Variants in ADRB1 observed in about 807,000 individuals in gnomAD.
ADRB1 encodes the protein beta-1 adrenergic receptor.
For missense variants in ADRB1, 635 were observed against 709.1 expected, an observed-to-expected ratio of 0.90 and a Z score of 1.19; for synonymous variants, 365 against 347.2, an observed-to-expected ratio of 1.05 and a Z score of -0.57.
In ADRB1 at chr10:114,044,388, A is replaced by G; in HGVS notation, c.256A>G (p.Thr86Ala). The change falls in exon 1 of 1, where the codon ACG becomes GCG. Residue 86 changes from threonine (T) to alanine (A), a missense_variant. Thr to Ala is a moderately conservative substitution (Grantham distance 58). Transcript: ENST00000369295. The surrounding 1 kb of genome is among the most constrained non-coding windows in gnomAD (Gnocchi z 7.8). ...NVLVIVAIAK[T>A]PRLQTLTNLF... ...GCTGGTGATCGTGGCCATCGCCAAG[A>G]CGCCGCGGCTGCAGACGCTCACCAA... is the stretch of plus-strand genomic sequence containing the variant. The G allele has an allele frequency of 1.2e-6, 2 of 1,609,486 alleles. No homozygotes were observed. The highest frequency in any genetic ancestry group is 1.7e-6 in the Non-Finnish European group (2 of 1,179,498).
Position 114,045,463 on chromosome 10 carries a change from T to G in ADRB1, c.1331T>G (p.Leu444Arg). 7.9e-7 allele frequency: 1 copy of G among 1,258,386 alleles called. No homozygotes were observed. The highest frequency in any genetic ancestry group is 3.4e-5 in the South Asian group (1 of 29,420). 78.0% of individuals were successfully genotyped at this position (1,258,386 alleles called of 1,614,324 possible). The change falls in exon 1 of 1, where the codon CTG becomes CGG. Residue 444 changes from leucine to arginine, a missense_variant. Coordinates refer to ENST00000369295, the MANE Select transcript of ADRB1 (RefSeq NM_000684.3). ...GTCGGGGCCACGCCGCCCGCGCGCC[T>G]GCTGGAGCCCTGGGCCGGCTGCAAC... ...DVVGATPPAR[L>R]LEPWAGCNGG... is the part of the protein sequence containing the mutation.
At position 114,045,011 on chromosome 10, in the gene ADRB1, C is replaced by G; in HGVS notation, c.879C>G (p.Ala293=). ...PAPPPGPPRP[A]AAAATAPLAN... ...CGCCGCCCGGACCCCCGCGCCCCGC[C>G]GCCGCCGCCGCCACCGCCCCGCTGG... Residue 293 remains alanine, a synonymous_variant, in exon 1 of 1, where the codon GCC becomes GCG. Transcript: ENST00000369295. 2.7e-6 allele frequency: 3 copies of G among 1,094,942 alleles called. No homozygotes were observed. The highest frequency in any genetic ancestry group is 3.3e-6 in the Non-Finnish European group (3 of 900,608). The allele number at this position is 1,094,942 out of a possible 1,614,324, so 67.8% of individuals were successfully genotyped here.
In ADRB1 at chr10:114,043,921, A is replaced by AGCGGCGGCGGCGGCG. The variant is rs1014758367; in HGVS notation, c.-203_-189dup. 3 of 233,592 alleles carry AGCGGCGGCGGCGGCG rather than the reference A, an allele frequency of 1.3e-5. No individual in the cohort carries two copies. Among genetic ancestry groups the AGCGGCGGCGGCGGCG allele is most frequent in the Admixed American group, 5.8e-5 (1 of 17,298 alleles). 14.5% of individuals were successfully genotyped at this position (233,592 alleles called of 1,614,324 possible). A position where few individuals can be genotyped will look rare whatever the true frequency, so the allele number is the denominator to read the frequency against. ...CAGCAGCGGCAGCGGCTCCAGCAGC[A>AGCGGCGGCGGCGGCG]GCGGCGGCGGCGGCGGCGGCGGCAG... On this transcript the variant is annotated 5_prime_UTR_variant, in exon 1 of 1. Transcript: ENST00000369295.
At position 114,044,265 on chromosome 10, in the gene ADRB1, C is replaced by T; in HGVS notation, c.133C>T (p.Pro45Ser). ...GTCGCCGCCCGCCTCGTTGCTGCCT[C>T]CCGCCAGCGAAAGCCCCGAGCCGCT... ...PASPPASLLPPASESPEPLSQ... is the reference protein window; with the variant it reads ...PASPPASLLPSASESPEPLSQ... The change falls in exon 1 of 1, where the codon CCC becomes TCC. Residue 45 changes from proline to serine, a missense_variant. By Grantham distance (74) the Pro-to-Ser change is moderately conservative. Transcript: ENST00000369295. The surrounding 1 kb of genome is among the most constrained non-coding windows in gnomAD (Gnocchi z 7.8). 1 of 1,521,944 alleles carries T rather than the reference C, an allele frequency of 6.6e-7. No homozygotes were observed. Among genetic ancestry groups the T allele is most frequent in the South Asian group, 1.2e-5 (1 of 82,404 alleles). The allele number at this position is 1,521,944 out of a possible 1,614,324, so 94.3% of individuals were successfully genotyped here.
Position 114,045,708 on chromosome 10 carries a change from C to G in ADRB1, c.*142C>G. 1 of 856,540 alleles carries G rather than the reference C, an allele frequency of 1.2e-6. No homozygotes were observed. The highest frequency in any genetic ancestry group is 3.5e-5 in the East Asian group (1 of 28,866). 53.1% of individuals were successfully genotyped at this position (856,540 alleles called of 1,614,324 possible). On this transcript the variant is annotated 3_prime_UTR_variant, in exon 1 of 1. Coordinates refer to ENST00000369295, the MANE Select transcript of ADRB1 (RefSeq NM_000684.3). Reference sequence around the variant, plus strand: ...CGAGGCAAAGAGAAAAGCCACGGACCGTTGCACAAAAAGGAAAGTTTGGGA... The same window carrying G: ...CGAGGCAAAGAGAAAAGCCACGGACGGTTGCACAAAAAGGAAAGTTTGGGA...
chr10:114,045,521 G>T lies in ADRB1; in HGVS notation c.1389G>T (p.Leu463=). The change falls in exon 1 of 1, where the codon CTG becomes CTT. Residue 463 remains leucine, a synonymous_variant. Transcript: ENST00000369295. The stretch of plus-strand genomic sequence containing the variant: ...CGGCGGCGGACAGCGACTCGAGCCT[G>T]GACGAGCCGTGCCGCCCCGGCTTCG... ...GGAAADSDSS[L]DEPCRPGFAS... is the part of the protein sequence containing the mutation. 1 of 1,307,880 alleles carries T rather than the reference G, an allele frequency of 7.6e-7. No homozygotes were observed. The highest frequency in any genetic ancestry group is 2.5e-5 in the South Asian group (1 of 40,386). 81.0% of individuals were successfully genotyped at this position (1,307,880 alleles called of 1,614,324 possible).
chr10:114,045,453 C>T lies in ADRB1; in HGVS notation c.1321C>T (p.Pro441Ser). Reference sequence around the variant, plus strand: ...CGACGATGTCGTCGGGGCCACGCCGCCCGCGCGCCTGCTGGAGCCCTGGGC... The same window carrying T: ...CGACGATGTCGTCGGGGCCACGCCGTCCGCGCGCCTGCTGGAGCCCTGGGC... The part of the protein sequence containing the change: ...DDDDVVGATP[P>S]ARLLEPWAGC... Residue 441 changes from proline (P) to serine (S), a missense_variant, in exon 1 of 1, where the codon CCC (proline) becomes TCC (serine). Pro to Ser is a moderately conservative substitution (Grantham distance 74). Transcript: ENST00000369295. The T allele has an allele frequency of 8.0e-7, 1 of 1,252,910 alleles. No homozygotes were observed. The highest frequency in any genetic ancestry group is 1.0e-6 in the Non-Finnish European group (1 of 997,102). The allele number at this position is 1,252,910 out of a possible 1,614,324, so 77.6% of individuals were successfully genotyped here. A position where few individuals can be genotyped will look rare whatever the true frequency, so the allele number is the denominator to read the frequency against.
chr10:114,043,968 C>T lies in ADRB1; in HGVS notation c.-165C>T, dbSNP rs537853447. 622 of 418,276 alleles carry T rather than the reference C, an allele frequency of 1.5e-3. 5 individuals carry two copies. Among genetic ancestry groups the T allele is most frequent in the African/African-American group, 0.01 (475 of 47,012 alleles). 25.9% of individuals were successfully genotyped at this position (418,276 alleles called of 1,614,324 possible). ...GCAGCGGCAGCGACAGCGCTCGGCTCCTGCGGGAAAGGCGCCCGGCGCCCA... is the reference window on the plus strand; with the variant it reads ...GCAGCGGCAGCGACAGCGCTCGGCTTCTGCGGGAAAGGCGCCCGGCGCCCA... On this transcript the variant is annotated 5_prime_UTR_variant, in exon 1 of 1. Transcript: ENST00000369295.
Position 114,045,377 on chromosome 10 carries a change from G to T in ADRB1, c.1245G>T (p.Leu415=). Residue 415 remains leucine, a synonymous_variant, in exon 1 of 1, where the codon CTG becomes CTT. Transcript: ENST00000369295. ...ACCGGCCGCGCGCCTCGGGCTGTCT[G>T]GCCCGGCCCGGACCCCCGCCATCGC... ...HGDRPRASGC[L]ARPGPPPSPG... The T allele has an allele frequency of 7.8e-7, 1 of 1,276,342 alleles. No homozygotes were observed. Among genetic ancestry groups the T allele is most frequent in the Middle Eastern group, 2.2e-4 (1 of 4,528 alleles). 79.1% of individuals were successfully genotyped at this position (1,276,342 alleles called of 1,614,324 possible). A position where few individuals can be genotyped will look rare whatever the true frequency, so the allele number is the denominator to read the frequency against.
chr10:114,043,975 G>A lies in ADRB1; in HGVS notation c.-158G>A. 1 of 472,288 alleles carries A rather than the reference G, an allele frequency of 2.1e-6. No individual in the cohort carries two copies. The highest frequency in any genetic ancestry group is 3.1e-6 in the Non-Finnish European group (1 of 325,606). The allele number at this position is 472,288 out of a possible 1,614,324, so 29.3% of individuals were successfully genotyped here. ...CAGCGACAGCGCTCGGCTCCTGCGG[G>A]AAAGGCGCCCGGCGCCCATGCCTCC... On this transcript the variant is annotated 5_prime_UTR_variant, in exon 1 of 1. Coordinates refer to ENST00000369295, the MANE Select transcript of ADRB1 (RefSeq NM_000684.3).
Position 114,044,110 on chromosome 10 carries a change from G to A in ADRB1, c.-23G>A. The A allele has an allele frequency of 8.0e-7, 1 of 1,251,964 alleles. No individual in the cohort carries two copies. Among genetic ancestry groups the A allele is most frequent in the Non-Finnish European group, 1.0e-6 (1 of 1,003,158 alleles). 77.6% of individuals were successfully genotyped at this position (1,251,964 alleles called of 1,614,324 possible). On this transcript the variant is annotated 5_prime_UTR_variant, in exon 1 of 1. Coordinates refer to ENST00000369295, the MANE Select transcript of ADRB1 (RefSeq NM_000684.3). This position sits in a 1 kb window ranked among gnomAD's most constrained non-coding sequence, Gnocchi z 7.8. Reference sequence around the variant, plus strand: ...ACGGCCCAGCCCTGCCACACCCCCCGCCCCCGGCCTCCGCAGCTCGGCATG... The same window carrying A: ...ACGGCCCAGCCCTGCCACACCCCCCACCCCCGGCCTCCGCAGCTCGGCATG...
chr10:114,044,112 C>T lies in ADRB1; in HGVS notation c.-21C>T. On this transcript the variant is annotated 5_prime_UTR_variant, in exon 1 of 1. Coordinates refer to ENST00000369295, the MANE Select transcript of ADRB1 (RefSeq NM_000684.3). The surrounding 1 kb of genome is among the most constrained non-coding windows in gnomAD (Gnocchi z 7.8). ...GGCCCAGCCCTGCCACACCCCCCGC[C>T]CCCGGCCTCCGCAGCTCGGCATGGG... The T allele has an allele frequency of 7.9e-7, 1 of 1,257,974 alleles. No homozygotes were observed. Among genetic ancestry groups the T allele is most frequent in the Admixed American group, 4.4e-5 (1 of 22,980 alleles). 77.9% of individuals were successfully genotyped at this position (1,257,974 alleles called of 1,614,324 possible). A position where few individuals can be genotyped will look rare whatever the true frequency, so the allele number is the denominator to read the frequency against.
In ADRB1 at chr10:114,046,618, A is replaced by T. The variant is rs1386139630; in HGVS notation, c.*1052A>T. On this transcript the variant is annotated 3_prime_UTR_variant, in exon 1 of 1. Coordinates refer to ENST00000369295, the MANE Select transcript of ADRB1 (RefSeq NM_000684.3). ...AGATCTTAAATAAAATTCAAACTCT[A>T]CTTCTGTTGTCTAGTATGTTATTGA... The T allele has an allele frequency of 6.0e-6, 1 of 166,980 alleles. No individual in the cohort carries two copies. The highest frequency in any genetic ancestry group is 1.5e-5 in the Non-Finnish European group (1 of 68,110). 10.3% of individuals were successfully genotyped at this position (166,980 alleles called of 1,614,324 possible).
chr10:114,044,109 C>A lies in ADRB1; in HGVS notation c.-24C>A, dbSNP rs1171219977. 1 of 1,253,126 alleles carries A rather than the reference C, an allele frequency of 8.0e-7. No individual in the cohort carries two copies. Among genetic ancestry groups the A allele is most frequent in the Non-Finnish European group, 1.0e-6 (1 of 1,003,846 alleles). The allele number at this position is 1,253,126 out of a possible 1,614,324, so 77.6% of individuals were successfully genotyped here. A position where few individuals can be genotyped will look rare whatever the true frequency, so the allele number is the denominator to read the frequency against. Reference sequence around the variant, plus strand: ...CACGGCCCAGCCCTGCCACACCCCCCGCCCCCGGCCTCCGCAGCTCGGCAT... The same window carrying A: ...CACGGCCCAGCCCTGCCACACCCCCAGCCCCCGGCCTCCGCAGCTCGGCAT... On this transcript the variant is annotated 5_prime_UTR_variant, in exon 1 of 1. Transcript: ENST00000369295. This position sits in a 1 kb window ranked among gnomAD's most constrained non-coding sequence, Gnocchi z 7.8.
chr10:114,046,473 C>CA lies in ADRB1; in HGVS notation c.*915dup, dbSNP rs17875446. The CA allele has an allele frequency of 0.15, 24,874 of 166,234 alleles. 1,954 individuals are homozygous for CA. The highest frequency in any genetic ancestry group is 0.21 in the Admixed American group (3,143 of 15,240). The allele number at this position is 166,234 out of a possible 1,614,324, so 10.3% of individuals were successfully genotyped here. Reference sequence around the variant, plus strand: ...CTGCACATGTGGATAAAAACAAAAACAAAAAAAAGGAGTGGTTCAAAATGC... The same window carrying CA: ...CTGCACATGTGGATAAAAACAAAAACAAAAAAAAAGGAGTGGTTCAAAATGC... On this transcript the variant is annotated 3_prime_UTR_variant, in exon 1 of 1. Transcript: ENST00000369295.
chr10:114,044,112 C>A lies in ADRB1; in HGVS notation c.-21C>A. On this transcript the variant is annotated 5_prime_UTR_variant, in exon 1 of 1. Transcript: ENST00000369295. This position sits in a 1 kb window ranked among gnomAD's most constrained non-coding sequence, Gnocchi z 7.8. ...GGCCCAGCCCTGCCACACCCCCCGCCCCCGGCCTCCGCAGCTCGGCATGGG... is the reference window on the plus strand; with the variant it reads ...GGCCCAGCCCTGCCACACCCCCCGCACCCGGCCTCCGCAGCTCGGCATGGG... The A allele has an allele frequency of 1.6e-6, 2 of 1,257,974 alleles. No homozygotes were observed. The highest frequency in any genetic ancestry group is 2.0e-6 in the Non-Finnish European group (2 of 1,006,776). The allele number at this position is 1,257,974 out of a possible 1,614,324, so 77.9% of individuals were successfully genotyped here. A position where few individuals can be genotyped will look rare whatever the true frequency, so the allele number is the denominator to read the frequency against.
In ADRB1 at chr10:114,044,667, G is replaced by C. The variant is rs1175275279; in HGVS notation, c.535G>C (p.Val179Leu). The part of the protein sequence containing the change: ...LLTRARARGL[V>L]CTVWAISALV... ...GACGCGCGCGCGGGCGCGGGGCCTC[G>C]TGTGCACCGTGTGGGCCATCTCGGC... The change falls in exon 1 of 1, where the codon GTG becomes CTG. Residue 179 changes from valine to leucine, a missense_variant. Val to Leu is a conservative substitution (Grantham distance 32). Transcript: ENST00000369295. This position sits in a 1 kb window ranked among gnomAD's most constrained non-coding sequence, Gnocchi z 7.8. 2 of 1,612,556 alleles carry C rather than the reference G, an allele frequency of 1.2e-6. No individual in the cohort carries two copies. Among genetic ancestry groups the C allele is most frequent in the South Asian group, 2.2e-5 (2 of 91,050 alleles).
In ADRB1 at chr10:114,045,797, C is replaced by CTTTTTTT. The variant is rs1400945012; in HGVS notation, c.*233_*234insTTTTTTT. 2.3e-4 allele frequency: 42 copies of CTTTTTTT among 180,692 alleles called. No individual in the cohort carries two copies. Among genetic ancestry groups the CTTTTTTT allele is most frequent in the African/African-American group, 1.3e-3 (30 of 23,816 alleles). 11.2% of individuals were successfully genotyped at this position (180,692 alleles called of 1,614,324 possible). ...TTTTTTTTCTTTTCTTTTCTTTCTTCTTCTTTTTTTTTTTTTTTTTTTTTT... is the reference window on the plus strand; with the variant it reads ...TTTTTTTTCTTTTCTTTTCTTTCTTCTTTTTTTTTCTTTTTTTTTTTTTTTTTTTTTT... On this transcript the variant is annotated 3_prime_UTR_variant, in exon 1 of 1. Coordinates refer to ENST00000369295, the MANE Select transcript of ADRB1 (RefSeq NM_000684.3).
Position 114,044,124 on chromosome 10 carries a change from C to T in ADRB1, c.-9C>T, listed in dbSNP as rs1023492154. The T allele has an allele frequency of 2.4e-6, 3 of 1,268,578 alleles. No individual in the cohort carries two copies. The highest frequency in any genetic ancestry group is 1.6e-5 in the African/African-American group (1 of 63,730). 78.6% of individuals were successfully genotyped at this position (1,268,578 alleles called of 1,614,324 possible). ...CCACACCCCCCGCCCCCGGCCTCCGCAGCTCGGCATGGGCGCGGGGGTGCT... is the reference window on the plus strand; with the variant it reads ...CCACACCCCCCGCCCCCGGCCTCCGTAGCTCGGCATGGGCGCGGGGGTGCT... On this transcript the variant is annotated 5_prime_UTR_variant, in exon 1 of 1. Transcript: ENST00000369295. This position sits in a 1 kb window ranked among gnomAD's most constrained non-coding sequence, Gnocchi z 7.8.
Sources: gnomAD v4.1 joint callset for allele counts on GRCh38, gnomAD v4.1.1 for gene constraint, Gnocchi (gnomAD v3.1) non-coding constraint, MANE v1.5 for transcripts, NCBI Gene and HGNC (gene_info 2026-07-23, HGNC 2026-07-21) for gene names.